Variants in PSMB6 observed in about 807,000 individuals in gnomAD.
PSMB6 encodes the protein proteasome 20S subunit beta 6.
PSMB6 carries 11 observed loss-of-function variants against 28.2 expected under a neutral mutation model. The observed-to-expected ratio is 0.39, with a 90% CI of 0.25 to 0.65. PSMB6 has a LOEUF of 0.65. Ranked by LOEUF, PSMB6 falls within the 30% of genes least tolerant of loss-of-function variation. The pLI is 0.48. For missense variants in PSMB6, 268 were observed against 319.4 expected, an observed-to-expected ratio of 0.84 and a Z score of 1.23; for synonymous variants, 126 against 117.7, an observed-to-expected ratio of 1.07 and a Z score of -0.45.
chr17:4,796,724 C>T lies in PSMB6; in HGVS notation c.103-4C>T, dbSNP rs1905340399. On this transcript the variant is annotated splice_polypyrimidine_tract_variant and splice_region_variant and intron_variant, in intron 1 of 5. Transcript: ENST00000270586. ...TAGACTTACTCCTTTTTCCCTTTTCCCAGACCACTATCATGGCCGTGCAGT... is the reference window on the plus strand; with the variant it reads ...TAGACTTACTCCTTTTTCCCTTTTCTCAGACCACTATCATGGCCGTGCAGT... 1 of 1,600,760 alleles carries T rather than the reference C, an allele frequency of 6.2e-7. No homozygotes were observed. Among genetic ancestry groups the T allele is most frequent in the Admixed American group, 1.7e-5 (1 of 59,946 alleles).
rs776695359 is a variant in PSMB6, at chr17:4,797,803, G to C, written c.424G>C (p.Gly142Arg). The C allele has an allele frequency of 5.6e-6, 9 of 1,614,060 alleles. No individual in the cohort carries two copies. Among genetic ancestry groups the C allele is most frequent in the South Asian group, 1.1e-5 (1 of 91,082 alleles). Residue 142 changes from glycine to arginine, a missense_variant, in exon 4 of 6, where the codon GGA (glycine) becomes CGA (arginine). Physicochemically the swap from Gly to Arg is moderately radical, Grantham distance 125 (BLOSUM62 -2). Transcript: ENST00000270586. ...IIIAGWDPQE[G>R]GQVYSVPMGG... is the part of the protein sequence containing the mutation. Reference sequence around the variant, plus strand: ...CATCGCAGGCTGGGACCCTCAAGAAGGAGGGCAGGTCAGATCCCCACCCGA... The same window carrying C: ...CATCGCAGGCTGGGACCCTCAAGAACGAGGGCAGGTCAGATCCCCACCCGA...
At position 4,796,709 on chromosome 17, in the gene PSMB6, C is replaced by A. The variant is rs1008923436; in HGVS notation, c.103-19C>A. ...GTCTGCTGGAGAATGTAGACTTACT[C>A]CTTTTTCCCTTTTCCCAGACCACTA... is the stretch of plus-strand genomic sequence containing the variant. On this transcript the variant is annotated intron_variant, in intron 1 of 5. Coordinates refer to ENST00000270586, the MANE Select transcript of PSMB6 (RefSeq NM_002798.3). 1 of 1,577,836 alleles carries A rather than the reference C, an allele frequency of 6.3e-7. No individual in the cohort carries two copies. Among genetic ancestry groups the A allele is most frequent in the Non-Finnish European group, 8.7e-7 (1 of 1,147,096 alleles).
In PSMB6 at chr17:4,797,248, G is replaced by A. The variant is rs944043180; in HGVS notation, c.171-190G>A. ...GAGAATCGCTTGGACCCAGGAGGTG[G>A]ATGTTGCAGTGAGCAGAGATCGCGT... On this transcript the variant is annotated intron_variant, in intron 2 of 5. Transcript: ENST00000270586. 10 of 641,388 alleles carry A rather than the reference G, an allele frequency of 1.6e-5. No homozygotes were observed. In the African/African-American group the frequency reaches 1.8e-4, roughly 12 times the overall value. 39.7% of individuals were successfully genotyped at this position (641,388 alleles called of 1,614,324 possible).
At chr17:4,797,591 G>T (rs371874971) in intron 3 of PSMB6, 22 bp downstream of exon 3, 2 of 1,593,028 alleles carry the variant, frequency 1.3e-6, no homozygotes, top group Non-Finnish European at 1.7e-6. Flanking sequence ...CAGGGGAGGG[G>T]CAAGTATCTG....
chr17:4,796,984 T>G, intron 2 of PSMB6, 189 bp downstream of exon 2: 1 of 607,272 alleles, frequency 1.6e-6, no homozygotes, highest in Non-Finnish European at 2.9e-6. Flanking sequence ...CTTACAAAAG[T>G]CTGTTCTCCA....
In PSMB6 at chr17:4,797,736, G is replaced by A; in HGVS notation, c.357G>A (p.Glu119=). ...LVHTAASLFK[E]MCYRYREDLM... is the part of the protein sequence containing the mutation. Reference sequence around the variant, plus strand: ...ACACAGCAGCCAGCCTCTTTAAGGAGATGTGTTACCGATACCGGGAAGACC... The same window carrying A: ...ACACAGCAGCCAGCCTCTTTAAGGAAATGTGTTACCGATACCGGGAAGACC... The change falls in exon 4 of 6, where the codon GAG becomes GAA. Residue 119 remains glutamate, a synonymous_variant. Transcript: ENST00000270586. 6.2e-7 allele frequency: 1 copy of A among 1,614,206 alleles called. No homozygotes were observed.
intron 2 of PSMB6, 52 bp from the exon 3 acceptor site, chr17:4,797,386 T>TG: frequency 6.6e-7 from 1 of 1,518,146 alleles, no homozygotes; most frequent in Non-Finnish European, 8.8e-7. Flanking sequence ...AGTGATGGGA[T>TG]GGAGGTGGAA....
intron 1 of PSMB6, 74 bp from the exon 2 acceptor site, chr17:4,796,654 G>A (rs1479290694): frequency 3.7e-6 from 5 of 1,364,178 alleles, no homozygotes; most frequent in East Asian, 4.6e-5. Flanking sequence ...TGTATTTTTG[G>A]AACTAGGTAG....
chr17:4,797,966 G>C, intron 4 of PSMB6, 43 bp from the exon 5 acceptor site: 1 of 1,612,412 alleles, frequency 6.2e-7, no homozygotes, highest in East Asian at 2.2e-5. Context: ...ACGTGTGTTG[G>C]AGGGAGGATA....
intron 4 of PSMB6, 24 bp downstream of exon 4, chr17:4,797,835 C>T: frequency 1.2e-6 from 2 of 1,613,364 alleles, no homozygotes; most frequent in South Asian, 2.2e-5. Flanking sequence ...CCGACCAGAG[C>T]ACACTTGAGC....
chr17:4,797,465 C>G lies in PSMB6; in HGVS notation c.198C>G (p.Asp66Glu). 1 of 1,583,900 alleles carries G rather than the reference C, an allele frequency of 6.3e-7. No homozygotes were observed. The highest frequency in any genetic ancestry group is 8.6e-7 in the Non-Finnish European group (1 of 1,161,530). ...CCTACATCGCCAATCGAGTGACTGA[C>G]AAGCTGACACCTATTCACGACCGCA... ...TGSYIANRVTDKLTPIHDRIF... is the reference protein window; with the variant it reads ...TGSYIANRVTEKLTPIHDRIF... The change falls in exon 3 of 6, where the codon GAC (aspartate) becomes GAG (glutamate). Residue 66 changes from aspartate to glutamate, a missense_variant. By Grantham distance (45) the Asp-to-Glu change is conservative. Transcript: ENST00000270586.
At position 4,796,711 on chromosome 17, in the gene PSMB6, TTTTTCCC is replaced by T; in HGVS notation, c.103-9_103-3del. 2 of 1,580,160 alleles carry T rather than the reference TTTTTCCC, an allele frequency of 1.3e-6. No homozygotes were observed. Among genetic ancestry groups the T allele is most frequent in the Non-Finnish European group, 8.7e-7 (1 of 1,149,350 alleles). On this transcript the variant is annotated splice_polypyrimidine_tract_variant and intron_variant, in intron 1 of 5. Transcript: ENST00000270586. ...CTGCTGGAGAATGTAGACTTACTCC[TTTTTCCC>T]TTTTCCCAGACCACTATCATGGCCG...
chr17:4,796,705 TA>T, intron 1 of PSMB6, 22 bp from the exon 2 acceptor site: 1 of 1,565,580 alleles, frequency 6.4e-7, no homozygotes, highest in Non-Finnish European at 8.8e-7. Flanking sequence ...AATGTAGACT[TA>T]CTCCTTTTTC....
chr17:4,796,639 G>C, intron 1 of PSMB6, 89 bp from the exon 2 acceptor site: 1 of 1,259,420 alleles, frequency 7.9e-7, no homozygotes, highest in East Asian at 2.3e-5. Flanking sequence ...GCGACGGACA[G>C]ATTTTGTATT....
chr17:4,796,948 A>G (rs1416587065), intron 2 of PSMB6, 153 bp downstream of exon 2: 1 of 689,448 alleles, frequency 1.5e-6, no homozygotes, highest in African/African-American at 1.8e-5. Context: ...TGTTACTTTC[A>G]GTTCCCCTCA....
Position 4,798,163 on chromosome 17 carries a change from T to C in PSMB6, c.577+10T>C. 1 of 1,614,152 alleles carries C rather than the reference T, an allele frequency of 6.2e-7. No individual in the cohort carries two copies. The highest frequency in any genetic ancestry group is 8.5e-7 in the Non-Finnish European group (1 of 1,180,004). ...CAATTCACTGCCAATGGTGAGAGCTTAGGCTTCTGGGCCTATGAGCTTCAA... is the reference window on the plus strand; with the variant it reads ...CAATTCACTGCCAATGGTGAGAGCTCAGGCTTCTGGGCCTATGAGCTTCAA... On this transcript the variant is annotated intron_variant, in intron 5 of 5. Transcript: ENST00000270586.
intron 1 of PSMB6, 136 bp downstream of exon 1, chr17:4,796,432 T>G: frequency 1.3e-6 from 1 of 782,014 alleles, no homozygotes; most frequent in South Asian, 1.8e-5. Flanking sequence ...TGGGGAGAGG[T>G]ACCCCGAAGA....
chr17:4,797,348 C>G, intron 2 of PSMB6, 90 bp from the exon 3 acceptor site: 14 of 1,462,376 alleles, frequency 9.6e-6, no homozygotes, highest in Non-Finnish European at 1.2e-5. Flanking sequence ...TACTGGACAT[C>G]CTATCCCTGA....
intron 2 of PSMB6, chr17:4,797,064 A>G: frequency 2.1e-6 from 1 of 475,302 alleles, no homozygotes; most frequent in Non-Finnish European, 3.7e-6. Context: ...CTGTAATCCC[A>G]GTACTTTGGG....
Sources: allele counts gnomAD v4.1 joint callset, GRCh38; gene constraint gnomAD v4.1.1; transcripts MANE v1.5; gene names NCBI Gene and HGNC (gene_info 2026-07-23, HGNC 2026-07-21).